HYDIN: variants seen among roughly 807,000 people sequenced by gnomAD.
HYDIN encodes axonemal central pair apparatus protein HYDIN.
A neutral mutation model predicts 403.9 loss-of-function variants in HYDIN; 132 were observed. The ratio of observed to expected loss-of-function variants is 0.33; its 90% CI spans 0.28 to 0.38. HYDIN has a LOEUF of 0.38. HYDIN is among the 10% of genes least tolerant of loss of function. The probability of loss-of-function intolerance (pLI) is 1.00; values close to 1 mark genes in which losing one functional copy is unlikely to be tolerated. For missense variants in HYDIN, 2,827 were observed against 5,009.5 expected (o/e 0.56, Z 13.15); for synonymous variants, 1,202 against 1,891.7 (o/e 0.64, Z 9.46).
At position 70,971,943 on chromosome 16, in the gene HYDIN, C is replaced by T. The variant is rs148770113; in HGVS notation, c.5380-1184G>A. Among the ~76,000 whole-genome samples, 214 of 152,244 alleles carry T rather than the reference C, an allele frequency of 1.4e-3. 1 individual carries two copies. The Middle Eastern group carries it at 0.017, about 12-fold the overall frequency. ...TGGATCGTATGGGTTGCAGGGCTAA[C>T]CAATTCCTTGTATACAGCTAATAAA... is the stretch of plus-strand genomic sequence containing the variant. On this transcript the variant is annotated intron_variant, in intron 35 of 85. Transcript: ENST00000393567.
At chr16:70,992,040 A>G in intron 24 of HYDIN, 30 bp downstream of exon 24, 1 of 1,613,440 alleles carries the variant, frequency 6.2e-7, no homozygotes. Context: ...AAAAGCTACT[A>G]CAAATAATCT....
chr16:70,980,538 T>A (rs982083955), intron 29 of HYDIN, among the ~76,000 whole-genome samples: 5 of 146,718 alleles, frequency 3.4e-5, no homozygotes, highest in Admixed American at 6.8e-5. Context: ...TATATATATA[T>A]AAATATAAAT....
At position 70,809,817 on chromosome 16, in the gene HYDIN, T is replaced by C. The variant is rs1445499215; in HGVS notation, c.14849A>G (p.Asn4950Ser). The change falls in exon 85 of 86, where the codon AAT (asparagine) becomes AGT (serine). Residue 4950 changes from asparagine to serine, a missense_variant. Asn to Ser is a conservative substitution (Grantham distance 46, BLOSUM62 1). Transcript: ENST00000393567. ...GTATTCTGTCCTCTGCCGTGTGTAA[T>C]TGATGAACTTCACAAGGATGATTTG... ...SSQIILVKFI[N>S]YTRQRTEYYC... The C allele has an allele frequency of 6.2e-6, 10 of 1,614,162 alleles. No individual in the cohort carries two copies. The highest frequency in any genetic ancestry group is 5.0e-5 in the Admixed American group (3 of 60,032).
intron 73 of HYDIN, among the ~76,000 whole-genome samples, chr16:70,853,892 CTTT>C (rs140632293): frequency 9.9e-5 from 12 of 120,926 alleles, no homozygotes; most frequent in African/African-American, 1.2e-4. Context: ...TTCTTTCTTT[CTTT>C]TTTTTTTTTT....
rs759790894 is a variant in HYDIN at position 70,818,345 on chromosome 16, G to A, written c.14655C>T (p.Ser4885=). 2.9e-5 allele frequency: 47 copies of A among 1,612,094 alleles called. No individual in the cohort carries two copies. In the Middle Eastern group the frequency reaches 5.0e-4, roughly 17 times the overall value. The change falls in exon 84 of 86, where the codon TCC becomes TCT. Residue 4885 remains serine, a synonymous_variant. Coordinates refer to ENST00000393567, the MANE Select transcript of HYDIN (RefSeq NM_001270974.2). ...LPSQFVVPAN[S]EGTFSFEFQP... ...CCCGACAGCCAAGGGGCCGTACCTC[G>A]GAGTTGGCAGGCACCACAAACTGGG...
chr16:70,939,298 G>A (rs1436095969), intron 43 of HYDIN, among the ~76,000 whole-genome samples: 3 of 152,328 alleles, frequency 2.0e-5, no homozygotes, highest in African/African-American at 7.2e-5. Context: ...GCAATGACCA[G>A]GCATCCCTCA....
At chr16:70,985,140 G>A (rs1326310858) in intron 28 of HYDIN, 45 bp downstream of exon 28, 4 of 1,588,562 alleles carry the variant, frequency 2.5e-6, no homozygotes, top group Non-Finnish European at 3.4e-6. Flanking sequence ...GCTTCGGAGT[G>A]GGGCTCGTAG....
chr16:71,175,495 TACCACCACC>T lies in HYDIN; in HGVS notation c.516+103_516+111del, dbSNP rs77913596. ...ATGTCAATACCAAGACCACCATCAATACCACCACCACCACCACCACCACCACCAGCACTA... is the reference window on the plus strand; with the variant it reads ...ATGTCAATACCAAGACCACCATCAATACCACCACCACCACCACCAGCACTA... On this transcript the variant is annotated intron_variant, in intron 5 of 85. Transcript: ENST00000393567. 246 of 1,001,588 alleles carry T rather than the reference TACCACCACC, an allele frequency of 2.5e-4. 1 individual carries two copies. The African/African-American group carries it at 3.3e-3, about 13-fold the overall frequency. 62.0% of individuals were successfully genotyped at this position (1,001,588 alleles called of 1,614,324 possible).
chr16:70,830,827 AG>A (rs1191730056), intron 80 of HYDIN, among the ~76,000 whole-genome samples: 1 of 152,196 alleles, frequency 6.6e-6, no homozygotes, highest in African/African-American at 2.4e-5. Context: ...TCGGGAGCTC[AG>A]GTTTCATACA....
At position 71,184,877 on chromosome 16, in the gene HYDIN, T is replaced by C; in HGVS notation, c.249A>G (p.Thr83=). 6.2e-7 allele frequency: 1 copy of C among 1,606,246 alleles called. No individual in the cohort carries two copies. Among genetic ancestry groups the C allele is most frequent in the Non-Finnish European group, 8.5e-7 (1 of 1,174,788 alleles). ...AGAGAGCAGCTACCTTCTGATGTGT[T>C]GTTTCCCCCATATCTAAGAGTTCGA... ...QIIELLDMGE[T]THQKFSGIDL... is the part of the protein sequence containing the mutation. The change falls in exon 3 of 86, where the codon ACA becomes ACG. Residue 83 remains threonine, a synonymous_variant. Coordinates refer to ENST00000393567, the MANE Select transcript of HYDIN (RefSeq NM_001270974.2).
intron 23 of HYDIN, among the ~76,000 whole-genome samples, chr16:70,995,506 A>C (rs1465226886): frequency 6.6e-6 from 1 of 152,204 alleles, no homozygotes; most frequent in Non-Finnish European, 1.5e-5. Context: ...CTCTTGGGGA[A>C]GGATCACCAC....
intron 21 of HYDIN, among the ~76,000 whole-genome samples, chr16:71,022,186 T>A (rs1179042176): frequency 2.0e-5 from 3 of 152,006 alleles, no homozygotes; most frequent in Admixed American, 2.0e-4. Context: ...GCAGATGGCT[T>A]TGAAGTACAG....
chr16:71,122,854 C>T lies in HYDIN; in HGVS notation c.1227+6786G>A, dbSNP rs554579901. Among the ~76,000 whole-genome samples the T allele has an allele frequency of 7.6e-5, 11 of 145,386 alleles. No individual in the cohort carries two copies. The East Asian group carries it at 2.3e-3, about 30-fold the overall frequency. ...GATACCAAATGAAGTTTTCTTTGAT[C>T]GAGGAGACACTTGCTAATAGAAGCA... On this transcript the variant is annotated intron_variant, in intron 9 of 85. Transcript: ENST00000393567.
chr16:70,808,098 A>T (rs548396668), intron 85 of HYDIN, 36 bp from the exon 86 acceptor site: 1 of 1,562,318 alleles, frequency 6.4e-7, no homozygotes, highest in South Asian at 1.2e-5. Context: ...CTCACGTGAG[A>T]TCCTGAAGAG....
At position 70,955,400 on chromosome 16, in the gene HYDIN, C is replaced by T; in HGVS notation, c.6291G>A (p.Gln2097=). ...RELCIRAAIE[Q]SVKEGEEAAQ... The stretch of plus-strand genomic sequence containing the variant: ...CAGCCTCCTCTCCTTCCTTCACGGA[C>T]TGCTCTATGGCAGCCCTGATGCAGA... Residue 2097 remains glutamine (Q), a synonymous_variant, in exon 40 of 86, where the codon CAG becomes CAA. Coordinates refer to ENST00000393567, the MANE Select transcript of HYDIN (RefSeq NM_001270974.2). 2 of 1,610,064 alleles carry T rather than the reference C, an allele frequency of 1.2e-6. No individual in the cohort carries two copies. Among genetic ancestry groups the T allele is most frequent in the Non-Finnish European group, 1.7e-6 (2 of 1,178,838 alleles).
At chr16:71,191,269 G>A (rs933171421) in intron 1 of HYDIN, among the ~76,000 whole-genome samples, 5 of 151,930 alleles carry the variant, frequency 3.3e-5, no homozygotes, top group African/African-American at 4.8e-5. Context: ...TAAAATCATC[G>A]TTTGTTTTGT....
intron 6 of HYDIN, among the ~76,000 whole-genome samples, chr16:71,157,299 T>G (rs532239369): frequency 2.0e-5 from 3 of 151,926 alleles, no homozygotes; most frequent in Admixed American, 1.3e-4. Flanking sequence ...CAATTTCCTG[T>G]GGGACATTAT....
chr16:70,961,108 T>C (rs1293003585), intron 38 of HYDIN, among the ~76,000 whole-genome samples: 3 of 151,874 alleles, frequency 2.0e-5, no homozygotes, highest in Non-Finnish European at 4.4e-5. Flanking sequence ...ATCCTAAGCA[T>C]TGTGGTATGC....
intron 1 of HYDIN, among the ~76,000 whole-genome samples, chr16:71,229,390 A>T (rs536323137): frequency 6.4e-4 from 98 of 152,186 alleles, no homozygotes; most frequent in Non-Finnish European, 1.3e-3. Context: ...CTTACCATAT[A>T]ACCTATCAAT....
Sources: allele counts gnomAD v4.1 joint callset (sites outside exome capture counted in the v4.1 genomes callset), GRCh38; gene constraint gnomAD v4.1.1; transcripts MANE v1.5; gene names NCBI Gene and HGNC (gene_info 2026-07-23, HGNC 2026-07-21).